The following MSI2 variants were observed in gnomAD, a reference collection of about 807,000 sequenced individuals.
MSI2 encodes the protein RNA-binding protein Musashi homolog 2.
Under a neutral mutation model 45.6 loss-of-function variants are expected in MSI2, and 17 were observed. That is an observed-to-expected ratio of 0.37 (90% CI 0.26 to 0.56). The LOEUF (loss-of-function observed/expected upper bound fraction) is 0.56. Among genes scored for constraint, MSI2 ranks in the 20% least tolerant of loss-of-function variants. The probability of loss-of-function intolerance (pLI) is 0.77; values close to 1 mark genes in which losing one functional copy is unlikely to be tolerated. For synonymous variants in MSI2, 156 were observed against 158.2 expected (o/e 0.99, Z 0.11); for missense variants, 293 against 444.2 (o/e 0.66, Z 3.06).
At position 57,529,120 on chromosome 17, in the gene MSI2, T is replaced by C. The variant is rs2086766709; in HGVS notation, c.406-556T>C. On this transcript the variant is annotated intron_variant, in intron 6 of 13. Coordinates refer to ENST00000284073, the MANE Select transcript of MSI2 (RefSeq NM_138962.4). The surrounding 1 kb of genome is among the most constrained non-coding windows in gnomAD (Gnocchi z 5.3). ...GATTTAAACTATATTGAAATAGTCA[T>C]AGTTTTTTCTTTCTTTAGAAAAAAA... 6.6e-6 allele frequency among the ~76,000 whole-genome samples: 1 copy of C among 152,138 alleles called. No homozygotes were observed. Among genetic ancestry groups the C allele is most frequent in the Non-Finnish European group, 1.5e-5 (1 of 68,036 alleles).
intron 6 of MSI2, among the ~76,000 whole-genome samples, chr17:57,527,515 G>A (rs1488105830): frequency 6.6e-6 from 1 of 152,204 alleles, no homozygotes; most frequent in Non-Finnish European, 1.5e-5. Flanking sequence ...GCCTGGGATG[G>A]GCATGGGGAT....
rs559745506 is a variant in MSI2, at chr17:57,281,789, A to G, written c.312+19597A>G. Among the ~76,000 whole-genome samples the G allele has an allele frequency of 2.7e-4, 41 of 152,276 alleles. No homozygotes were observed. The South Asian group carries it at 6.8e-3, about 25-fold the overall frequency. On this transcript the variant is annotated intron_variant, in intron 5 of 13. Coordinates refer to ENST00000284073, the MANE Select transcript of MSI2 (RefSeq NM_138962.4). ...AAAAAGGGCCTTCTGGAGTAAAGCA[A>G]TCAGGTTGACTGACAACTGCCGAGG...
chr17:57,580,414 C>A (rs561844358), intron 7 of MSI2, among the ~76,000 whole-genome samples: 45 of 152,350 alleles, frequency 3.0e-4, no homozygotes, highest in African/African-American at 1.1e-3. Context: ...CCTTGGCCCC[C>A]AGCCTACAGG....
intron 7 of MSI2, among the ~76,000 whole-genome samples, chr17:57,566,395 TTAAAATGAGC>T (rs1289975690): frequency 6.6e-6 from 1 of 152,074 alleles, no homozygotes; most frequent in Non-Finnish European, 1.5e-5. Flanking sequence ...CTAATAAAAT[TTAAAATGAGC>T]TAAAAAAGCC....
At chr17:57,370,252 C>T (rs192881039) in intron 5 of MSI2, among the ~76,000 whole-genome samples, 9 of 152,288 alleles carry the variant, frequency 5.9e-5, no homozygotes, top group Admixed American at 2.0e-4. Context: ...CTGCTGTTTG[C>T]GTTTTTAATC....
chr17:57,515,571 G>A (rs1598354268), intron 6 of MSI2, among the ~76,000 whole-genome samples: 1 of 152,122 alleles, frequency 6.6e-6, no homozygotes, highest in East Asian at 1.9e-4. Context: ...CTTATTGGAC[G>A]CTTATTTTTG....
At chr17:57,475,467 G>T (rs1026073805) in intron 6 of MSI2, among the ~76,000 whole-genome samples, 1 of 152,132 alleles carries the variant, frequency 6.6e-6, no homozygotes, top group East Asian at 1.9e-4. Flanking sequence ...GTACTGTCCT[G>T]TCATCTAAAA....
chr17:57,372,860 GT>G (rs900587317), intron 5 of MSI2, among the ~76,000 whole-genome samples: 1 of 150,418 alleles, frequency 6.6e-6, no homozygotes, highest in East Asian at 1.9e-4. Flanking sequence ...GGACAGTTTT[GT>G]TTTTTTTTCC....
intron 5 of MSI2, among the ~76,000 whole-genome samples, chr17:57,331,173 G>A (rs368306905): frequency 6.6e-6 from 1 of 151,964 alleles, no homozygotes; most frequent in Admixed American, 6.6e-5. Flanking sequence ...CTCGGCCTCC[G>A]AAAGTGCTGG....
At chr17:57,620,669 A>T (rs1908206496) in intron 9 of MSI2, among the ~76,000 whole-genome samples, 1 of 152,088 alleles carries the variant, frequency 6.6e-6, no homozygotes, top group African/African-American at 2.4e-5. Flanking sequence ...AGGAGTTTGG[A>T]TTATTCTTGA....
intron 5 of MSI2, among the ~76,000 whole-genome samples, chr17:57,369,719 T>G (rs1326800744): frequency 1.3e-5 from 2 of 152,224 alleles, no homozygotes; most frequent in African/African-American, 2.4e-5. Context: ...TCTCATTTAA[T>G]GGTCACGCTG....
intron 8 of MSI2, chr17:57,602,077 A>G (rs1332775642): frequency 6.6e-6 from 1 of 152,236 alleles, no homozygotes; most frequent in African/African-American, 2.4e-5. Flanking sequence ...TGCTTCATAC[A>G]ATACTACTGC....
At chr17:57,553,144 A>G (rs1465270637) in intron 7 of MSI2, among the ~76,000 whole-genome samples, 1 of 149,722 alleles carries the variant, frequency 6.7e-6, no homozygotes, top group Non-Finnish European at 1.5e-5. Flanking sequence ...CCCCGCAGCT[A>G]GAGCATGAGC....
At chr17:57,292,148 C>T (rs544367687) in intron 5 of MSI2, among the ~76,000 whole-genome samples, 7 of 150,932 alleles carry the variant, frequency 4.6e-5, no homozygotes, top group African/African-American at 7.3e-5. Context: ...GGGAGACCCT[C>T]GGACAGCTGC....
chr17:57,393,454 T>C (rs768959992), intron 5 of MSI2, among the ~76,000 whole-genome samples: 14 of 152,202 alleles, frequency 9.2e-5, no homozygotes, highest in Non-Finnish European at 1.2e-4. Context: ...CATGTGTCAG[T>C]ACCTCGTTCC....
At chr17:57,357,670 G>C (rs182084806) in intron 5 of MSI2, among the ~76,000 whole-genome samples, 1 of 152,272 alleles carries the variant, frequency 6.6e-6, no homozygotes, top group East Asian at 1.9e-4. Context: ...TCACATAAAG[G>C]TGAAATCATG....
intron 10 of MSI2, among the ~76,000 whole-genome samples, chr17:57,645,969 G>T (rs1277679512): frequency 2.0e-5 from 3 of 152,198 alleles, no homozygotes; most frequent in Non-Finnish European, 4.4e-5. Context: ...TGCCCCCACT[G>T]GGGTGGAGGA....
At chr17:57,421,619 A>C (rs534341233) in intron 6 of MSI2, among the ~76,000 whole-genome samples, 36 of 152,268 alleles carry the variant, frequency 2.4e-4, no homozygotes, top group Non-Finnish European at 4.7e-4. Flanking sequence ...GCAGTGGCTC[A>C]AGCCTATAAT....
At chr17:57,462,346 A>T (rs2085247461) in intron 6 of MSI2, among the ~76,000 whole-genome samples, 1 of 152,072 alleles carries the variant, frequency 6.6e-6, no homozygotes, top group African/African-American at 2.4e-5. Flanking sequence ...CCAGCCATCC[A>T]CCAGAGATGG....
Sources: allele counts gnomAD v4.1 joint callset (sites outside exome capture counted in the v4.1 genomes callset), GRCh38; gene constraint gnomAD v4.1.1; non-coding constraint Gnocchi (gnomAD v3.1); transcripts MANE v1.5; gene names NCBI Gene and HGNC (gene_info 2026-07-23, HGNC 2026-07-21).